The following ADAMTSL1 variants were observed in gnomAD, a reference collection of about 807,000 sequenced individuals.
ADAMTSL1 encodes ADAMTS-like protein 1.
In ADAMTSL1, 126 loss-of-function variants were observed where a neutral mutation model predicts 201.8. The ratio of observed to expected loss-of-function variants is 0.62; its 90% CI spans 0.54 to 0.72. ADAMTSL1 has a LOEUF of 0.72. Ranked by LOEUF, ADAMTSL1 falls within the 30% of genes least tolerant of loss-of-function variation. The pLI, the probability that ADAMTSL1 is intolerant of heterozygous loss-of-function variation, is 0.00. For missense variants in ADAMTSL1, 2,679 were observed against 2,277.8 expected (o/e 1.18, Z -3.59); for synonymous variants, 1,121 against 903.4 (o/e 1.24, Z -4.32).
At chr9:18,405,038 G>A (rs1283783536) in intron 2 of ADAMTSL1, among the ~76,000 whole-genome samples, 3 of 151,906 alleles carry the variant, frequency 2.0e-5, no homozygotes, top group African/African-American at 7.3e-5. Flanking sequence ...TATTTCCAGC[G>A]CTAGACCTCC....
At chr9:18,406,492 C>G (rs1818214517) in intron 2 of ADAMTSL1, among the ~76,000 whole-genome samples, 1 of 151,900 alleles carries the variant, frequency 6.6e-6, no homozygotes, top group Non-Finnish European at 1.5e-5. Flanking sequence ...CATTGCCCGG[C>G]TAATTTTTTT....
intron 14 of ADAMTSL1, among the ~76,000 whole-genome samples, chr9:18,713,308 T>C (rs928579363): frequency 1.3e-5 from 2 of 152,066 alleles, no homozygotes; most frequent in Non-Finnish European, 2.9e-5. Context: ...GACTGGCAAA[T>C]TGGATAAAGA....
At chr9:18,419,407 G>A (rs1159007389) in intron 2 of ADAMTSL1, among the ~76,000 whole-genome samples, 1 of 152,022 alleles carries the variant, frequency 6.6e-6, no homozygotes, top group African/African-American at 2.4e-5. Flanking sequence ...GTAAAATGTT[G>A]AACATGTACT....
chr9:18,645,670 C>A (rs1219856894), intron 7 of ADAMTSL1, among the ~76,000 whole-genome samples: 1 of 150,396 alleles, frequency 6.6e-6, no homozygotes, highest in Admixed American at 6.7e-5. Flanking sequence ...GCTTGTTTTT[C>A]TCAGGTTTGT....
chr9:18,540,747 C>T (rs1159935184), intron 3 of ADAMTSL1, among the ~76,000 whole-genome samples: 2 of 152,132 alleles, frequency 1.3e-5, no homozygotes, highest in Admixed American at 6.5e-5. Flanking sequence ...GCCCGGTCTG[C>T]CAGTCTCAGG....
chr9:17,978,081 T>C (rs1236069899), intron 1 of ADAMTSL1, among the ~76,000 whole-genome samples: 3 of 152,110 alleles, frequency 2.0e-5, no homozygotes, highest in Admixed American at 1.3e-4. Flanking sequence ...TTTACTGGTT[T>C]TAAAGTCCAT....
intron 2 of ADAMTSL1, among the ~76,000 whole-genome samples, chr9:18,237,432 A>T (rs981039796): frequency 6.6e-6 from 1 of 152,194 alleles, no homozygotes; most frequent in African/African-American, 2.4e-5. Flanking sequence ...CTGTTCTCAT[A>T]TTCCGTGCTC....
At chr9:18,036,768 C>T (rs1167377697) in intron 1 of ADAMTSL1, among the ~76,000 whole-genome samples, 1 of 152,078 alleles carries the variant, frequency 6.6e-6, no homozygotes, top group Admixed American at 6.5e-5. Context: ...AGTATATAGG[C>T]CAAAGTTCAG....
chr9:18,013,130 T>C (rs1317048522), intron 1 of ADAMTSL1, among the ~76,000 whole-genome samples: 1 of 152,026 alleles, frequency 6.6e-6, no homozygotes, highest in Non-Finnish European at 1.5e-5. Context: ...CTGTATTTAC[T>C]GAGACACCAA....
chr9:17,933,985 C>G (rs1395324164), intron 1 of ADAMTSL1, among the ~76,000 whole-genome samples: 3 of 152,138 alleles, frequency 2.0e-5, no homozygotes, highest in African/African-American at 7.2e-5. Flanking sequence ...ATATCCTCTT[C>G]TTGTTGTTTC....
chr9:18,450,544 T>G (rs1820364151), intron 2 of ADAMTSL1, among the ~76,000 whole-genome samples: 1 of 151,882 alleles, frequency 6.6e-6, no homozygotes, highest in Admixed American at 6.6e-5. Context: ...TCTTTTTAAT[T>G]CTAGGAACCC....
chr9:18,132,431 C>T (rs1031991943), intron 1 of ADAMTSL1, among the ~76,000 whole-genome samples: 14 of 152,250 alleles, frequency 9.2e-5, no homozygotes, highest in African/African-American at 3.4e-4. Flanking sequence ...AAACTCTACC[C>T]ATTGAACAGT....
At chr9:18,620,637 C>T (rs1417461769) in intron 4 of ADAMTSL1, among the ~76,000 whole-genome samples, 1 of 152,152 alleles carries the variant, frequency 6.6e-6, no homozygotes, top group Non-Finnish European at 1.5e-5. Context: ...ATGTTTGGCA[C>T]TGCAGGGATG....
intron 1 of ADAMTSL1, among the ~76,000 whole-genome samples, chr9:17,907,183 G>C (rs1440016695): frequency 6.6e-6 from 1 of 152,190 alleles, no homozygotes; most frequent in Admixed American, 6.5e-5. Flanking sequence ...CCTGGGTCCT[G>C]CTTCCAGCCA....
intron 4 of ADAMTSL1, among the ~76,000 whole-genome samples, chr9:18,589,860 C>G (rs546113959): frequency 3.3e-4 from 50 of 152,190 alleles, no homozygotes; most frequent in African/African-American, 9.9e-4. Flanking sequence ...TGTTCATGTA[C>G]TGTATCATTA....
At chr9:18,434,821 A>G (rs1297582926) in intron 2 of ADAMTSL1, among the ~76,000 whole-genome samples, 1 of 152,194 alleles carries the variant, frequency 6.6e-6, no homozygotes, top group Non-Finnish European at 1.5e-5. Flanking sequence ...GCTTGCTGGT[A>G]TCACCTTATT....
chr9:18,590,936 G>T lies in ADAMTSL1; in HGVS notation c.474+16670G>T, dbSNP rs1823872164. Among the ~76,000 whole-genome samples, 2 of 152,102 alleles carry T rather than the reference G, an allele frequency of 1.3e-5. 1 individual carries two copies. Among genetic ancestry groups the T allele is most frequent in the South Asian group, 4.1e-4 (2 of 4,826 alleles). On this transcript the variant is annotated intron_variant, in intron 4 of 28. Transcript: ENST00000380548. Reference sequence around the variant, plus strand: ...AATTTTGAATTTTTTAAGATTTGTTGTGTGTCCTAATATATGGCTTATTCT... The same window carrying T: ...AATTTTGAATTTTTTAAGATTTGTTTTGTGTCCTAATATATGGCTTATTCT...
chr9:18,007,614 A>G lies in ADAMTSL1; in HGVS notation c.87+100692A>G, dbSNP rs16936210. On this transcript the variant is annotated intron_variant, in intron 1 of 29. Transcript: ENST00000680146. The stretch of plus-strand genomic sequence containing the variant: ...AGATAAGCCCCAGAGTGCATGATTT[A>G]TACCCTTAACCCATGTAATCACTGC... 7.8e-3 allele frequency among the ~76,000 whole-genome samples: 1,190 copies of G among 152,098 alleles called. 21 individuals carry two copies. The highest frequency in any genetic ancestry group is 0.027 in the African/African-American group (1,114 of 41,542).
intron 23 of ADAMTSL1, among the ~76,000 whole-genome samples, chr9:18,852,370 G>A (rs1826550941): frequency 6.6e-6 from 1 of 152,184 alleles, no homozygotes; most frequent in Non-Finnish European, 1.5e-5. Context: ...TAAATGCTCA[G>A]TTAACATCAG....
Sources: gnomAD v4.1 joint callset for allele counts (sites outside exome capture counted in the v4.1 genomes callset) on GRCh38, gnomAD v4.1.1 for gene constraint, MANE v1.5 for transcripts, NCBI Gene and HGNC (gene_info 2026-07-23, HGNC 2026-07-21) for gene names.